The following SYT8 variants were observed in gnomAD, a reference collection of about 807,000 sequenced individuals.
The protein encoded by SYT8 is synaptotagmin-8.
In SYT8, 50 loss-of-function variants were observed where a neutral mutation model predicts 34.9. That is an observed-to-expected ratio of 1.43 (90% CI 1.14 to 1.81). SYT8 has a LOEUF of 1.81. SYT8 is among the 40% of genes most tolerant of loss of function. SYT8 has a pLI of 0.00. For synonymous variants in SYT8, 255 were observed against 234.2 expected (o/e 1.09, Z -0.81); for missense variants, 595 against 529.0 (o/e 1.12, Z -1.22).
chr11:1,836,075 G>T, intron 3 of SYT8, 51 bp from the exon 4 acceptor site: 1 of 1,550,716 alleles, frequency 6.4e-7, no homozygotes. Context: ...TGGGTGGTGG[G>T]GAGCTGACAG....
At position 1,836,758 on chromosome 11, in the gene SYT8, C is replaced by T. The variant is rs60935287; in HGVS notation, c.687C>T (p.Pro229=). ...YLLGPPAATQ[P]EQVGELCFSL... Reference sequence around the variant, plus strand: ...GAAGCCCCTCTTGCTGCCCACAGCCCGAGCAGGTCGGGGAGCTGTGCTTCT... The same window carrying T: ...GAAGCCCCTCTTGCTGCCCACAGCCTGAGCAGGTCGGGGAGCTGTGCTTCT... Residue 229 remains proline (P), a splice_region_variant and synonymous_variant, in exon 6 of 8, where the codon CCC becomes CCT. Coordinates refer to ENST00000341958, the MANE Select transcript of SYT8 (RefSeq NM_001394072.1). The T allele has an allele frequency of 9.3e-6, 15 of 1,608,760 alleles. No homozygotes were observed. In the East Asian group the frequency reaches 1.3e-4, roughly 14 times the overall value.
chr11:1,833,219 G>A (rs755155627), upstream of SYT8, among the ~76,000 whole-genome samples: 61 of 152,202 alleles, frequency 4.0e-4, no homozygotes, highest in Non-Finnish European at 7.4e-5. Flanking sequence ...GTGGGACGCC[G>A]GACCCACCTG....
In SYT8 at chr11:1,837,266, G is replaced by A. The variant is rs141428647; in HGVS notation, c.999G>A (p.Leu333=). The A allele has an allele frequency of 3.9e-4, 616 of 1,585,448 alleles. 5 individuals carry two copies. The African/African-American group carries it at 7.4e-3, about 19-fold the overall frequency. Residue 333 remains leucine (L), a synonymous_variant, in exon 8 of 8, where the codon CTG becomes CTA. Coordinates refer to ENST00000341958, the MANE Select transcript of SYT8 (RefSeq NM_001394072.1). ...LRTEPVGKVH[L]GARASGQPLQ... ...CTGAGCCCGTAGGCAAGGTGCACCT[G>A]GGTGCCCGGGCCTCGGGGCAGCCCC...
rs1465729953 is a variant in SYT8, at chr11:1,837,358, C to T, written c.1091C>T (p.Pro364Leu). ...RPIAQRHPLRPAREVDRMLAL... is the reference protein window; with the variant it reads ...RPIAQRHPLRLAREVDRMLAL... ...ATTGCCCAGCGGCACCCCCTGCGGC[C>T]AGCCAGGGAGGTGGACCGCATGCTG... is the stretch of plus-strand genomic sequence containing the variant. The change falls in exon 8 of 8, where the codon CCA (proline) becomes CTA (leucine). Residue 364 changes from proline to leucine, a missense_variant. Pro to Leu is a moderately conservative substitution (Grantham distance 98). Coordinates refer to ENST00000341958, the MANE Select transcript of SYT8 (RefSeq NM_001394072.1). 11 of 1,595,968 alleles carry T rather than the reference C, an allele frequency of 6.9e-6. No individual in the cohort carries two copies. Among genetic ancestry groups the T allele is most frequent in the Non-Finnish European group, 9.4e-6 (11 of 1,175,634 alleles).
Position 1,837,500 on chromosome 11 carries a change from C to T in SYT8, c.*69C>T. On this transcript the variant is annotated 3_prime_UTR_variant, in exon 8 of 8. Transcript: ENST00000341958. Reference sequence around the variant, plus strand: ...CCCAGGCCGCCCTGCAGGACCACTGCAATAAACGCCTTCTCCTGCCACTGT... The same window carrying T: ...CCCAGGCCGCCCTGCAGGACCACTGTAATAAACGCCTTCTCCTGCCACTGT... The T allele has an allele frequency of 6.4e-7, 1 of 1,562,424 alleles. No individual in the cohort carries two copies. The highest frequency in any genetic ancestry group is 8.6e-7 in the Non-Finnish European group (1 of 1,157,878).
rs1846985908 is a variant in SYT8, at chr11:1,837,067, C to A, written c.901C>A (p.Leu301Met). 6.2e-7 allele frequency: 1 copy of A among 1,613,800 alleles called. No homozygotes were observed. Among genetic ancestry groups the A allele is most frequent in the Non-Finnish European group, 8.5e-7 (1 of 1,180,010 alleles). Residue 301 changes from leucine to methionine, a missense_variant, in exon 7 of 8, where the codon CTG (leucine) becomes ATG (methionine). Leu to Met is a conservative substitution (Grantham distance 15). Transcript: ENST00000341958. ...APYFNEAFTF[L>M]VPFSQVQNVD... ...CTACTTCAATGAGGCCTTCACCTTC[C>A]TGGTGCCCTTCAGCCAGGTCCAGGT...
upstream of SYT8, chr11:1,834,809 A>T: frequency 1.5e-6 from 1 of 671,248 alleles, no homozygotes; most frequent in Non-Finnish European, 2.6e-6. The surrounding 1 kb of genome is among the most constrained non-coding windows in gnomAD (Gnocchi z 4.5). Flanking sequence ...GAAGGCAGGG[A>T]CTAGGCTGCC....
upstream of SYT8, among the ~76,000 whole-genome samples, chr11:1,833,441 C>T (rs1445988836): frequency 2.6e-5 from 4 of 152,222 alleles, no homozygotes. Context: ...AAGCAGGGAC[C>T]CCTCTGAGCA....
chr11:1,837,054 G>T lies in SYT8; in HGVS notation c.888G>T (p.Glu296Asp), dbSNP rs755201370. 1.9e-6 allele frequency: 3 copies of T among 1,613,658 alleles called. No homozygotes were observed. The South Asian group carries it at 3.3e-5, about 18-fold the overall frequency. ...GCACGGCGGCCCCCTACTTCAATGA[G>T]GCCTTCACCTTCCTGGTGCCCTTCA... ...KKGTAAPYFN[E>D]AFTFLVPFSQ... Residue 296 changes from glutamate to aspartate, a missense_variant, in exon 7 of 8, where the codon GAG becomes GAT. By Grantham distance (45) the Glu-to-Asp change is conservative. Transcript: ENST00000341958.
At chr11:1,833,152 T>C (rs1846729971), upstream of SYT8, among the ~76,000 whole-genome samples, 2 of 152,280 alleles carry the variant, frequency 1.3e-5, no homozygotes, top group Admixed American at 1.3e-4. Flanking sequence ...CCAGGGACCC[T>C]GCGGACCCAG....
chr11:1,836,489 C>A lies in SYT8; in HGVS notation c.581C>A (p.Ser194Ter). Residue 194 changes from serine (S) to a stop codon, truncating the protein, a stop_gained, in exon 5 of 8, where the codon TCG (serine) becomes TAG (stop). Transcript: ENST00000341958. LOFTEE classifies it high-confidence loss of function. ...QVQLFNFKRF[S>*]GHEPLGELRL... ...CAGCTTTTCAACTTCAAGCGCTTCT[C>A]GGGGCATGAGCCCCTGGGTGAGCTC... The A allele has an allele frequency of 6.2e-7, 1 of 1,611,938 alleles. No individual in the cohort carries two copies.
chr11:1,834,717 A>T, upstream of SYT8: 1 of 1,122,806 alleles, frequency 8.9e-7, no homozygotes, highest in Non-Finnish European at 1.3e-6. The surrounding 1 kb of genome is among the most constrained non-coding windows in gnomAD (Gnocchi z 4.5). Flanking sequence ...TCCAGGGCCC[A>T]GGAGAGAGAA....
rs527698218 is a variant in SYT8 at position 1,835,997 on chromosome 11, G to A, written c.357+13G>A. ...TGGAAGCCAGGAGGTGAAGGGCCCCGCTGCGCAGGACCAGCGGTTCTGCGA... is the reference window on the plus strand; with the variant it reads ...TGGAAGCCAGGAGGTGAAGGGCCCCACTGCGCAGGACCAGCGGTTCTGCGA... On this transcript the variant is annotated intron_variant, in intron 3 of 7. Coordinates refer to ENST00000341958, the MANE Select transcript of SYT8 (RefSeq NM_001394072.1). 180 of 1,605,032 alleles carry A rather than the reference G, an allele frequency of 1.1e-4. 2 individuals are homozygous for A. The South Asian group carries it at 1.4e-3, about 12-fold the overall frequency.
In SYT8 at chr11:1,837,470, AC is replaced by A; in HGVS notation, c.*40del. 1.3e-6 allele frequency: 2 copies of A among 1,594,286 alleles called. No individual in the cohort carries two copies. The highest frequency in any genetic ancestry group is 2.2e-5 in the South Asian group (2 of 90,096). ...CTCTGTCTCCCCGCTGAGCCCAGGC[AC>A]TTGCCCAGGCCGCCCTGCAGGACCA... On this transcript the variant is annotated 3_prime_UTR_variant, in exon 8 of 8. Transcript: ENST00000341958.
At chr11:1,833,044 G>A (rs576114502), upstream of SYT8, among the ~76,000 whole-genome samples, 94 of 152,298 alleles carry the variant, frequency 6.2e-4, no homozygotes, top group African/African-American at 2.0e-3. Context: ...ATCTCAGCAT[G>A]TATACAGGCT....
At chr11:1,834,468 G>A, upstream of SYT8, 1 of 1,113,712 alleles carries the variant, frequency 9.0e-7, no homozygotes, top group Non-Finnish European at 1.3e-6. The surrounding 1 kb of genome is among the most constrained non-coding windows in gnomAD (Gnocchi z 4.5). Context: ...TGCACCTTTA[G>A]CCCAGGCCTG....
At chr11:1,837,149 G>A in intron 7 of SYT8, 43 bp from the exon 8 acceptor site, 3 of 1,597,740 alleles carry the variant, frequency 1.9e-6, no homozygotes, top group South Asian at 2.2e-5. Flanking sequence ...GATGACTGTG[G>A]TCTTTCTCCC....
rs766401122 is a variant in SYT8 at position 1,836,562 on chromosome 11, G to T, written c.654G>T (p.Trp218Cys). 1.9e-6 allele frequency: 3 copies of T among 1,612,274 alleles called. No individual in the cohort carries two copies. The highest frequency in any genetic ancestry group is 1.1e-5 in the South Asian group (1 of 91,052). ...ATCTGCAGCATGTTCTGGAGCACTG[G>T]TACCTGCTGGGCCCGCCGGCTGCCA... ...TVDLQHVLEHWYLLGPPAATQ... is the reference protein window; with the variant it reads ...TVDLQHVLEHCYLLGPPAATQ... Residue 218 changes from tryptophan (W) to cysteine (C), a missense_variant, in exon 5 of 8, where the codon TGG becomes TGT. Transcript: ENST00000341958.
At chr11:1,834,450 G>A (rs75377879), upstream of SYT8, 12 of 921,684 alleles carry the variant, frequency 1.3e-5, no homozygotes, top group East Asian at 2.6e-4. The surrounding 1 kb of genome is among the most constrained non-coding windows in gnomAD (Gnocchi z 4.5). Flanking sequence ...CTGAGCCCCT[G>A]CCAGGAATGC....
Sources: allele counts gnomAD v4.1 joint callset (sites outside exome capture counted in the v4.1 genomes callset), GRCh38; gene constraint gnomAD v4.1.1; non-coding constraint Gnocchi (gnomAD v3.1); transcripts MANE v1.5; gene names NCBI Gene and HGNC (gene_info 2026-07-23, HGNC 2026-07-21).